Variants in OR51B5 observed in about 807,000 individuals in gnomAD.
OR51B5 encodes the protein olfactory receptor 51B5.
For missense variants in OR51B5, 456 were observed against 374.6 expected, an observed-to-expected ratio of 1.22 and a Z score of -1.79; for synonymous variants, 186 against 144.8, an observed-to-expected ratio of 1.28 and a Z score of -2.04.
At chr11:5,344,199 G>A (rs901055843), upstream of OR51B5, among the ~76,000 whole-genome samples, 3 of 152,180 alleles carry the variant, frequency 2.0e-5, no homozygotes, top group Non-Finnish European at 4.4e-5. Context: ...CTCACTACTT[G>A]TGACAATAGC....
intron 1 of OR51B5, among the ~76,000 whole-genome samples, chr11:5,461,267 G>A (rs1325556285): frequency 6.6e-6 from 1 of 152,174 alleles, no homozygotes; most frequent in Non-Finnish European, 1.5e-5. Context: ...AGGGGGTGGA[G>A]GCGAGGCGCG....
chr11:5,447,100 G>A (rs575565837), intron 1 of OR51B5, among the ~76,000 whole-genome samples: 2 of 152,258 alleles, frequency 1.3e-5, no homozygotes, highest in East Asian at 3.9e-4. Flanking sequence ...AAGCCCCTAG[G>A]AGATCATGTA....
intron 1 of OR51B5, among the ~76,000 whole-genome samples, chr11:5,485,269 G>A (rs913170547): frequency 4.6e-5 from 7 of 152,110 alleles, no homozygotes; most frequent in East Asian, 1.9e-4. Context: ...TTCCTCTCAC[G>A]TTTTCTAAGT....
intron 1 of OR51B5, among the ~76,000 whole-genome samples, chr11:5,443,409 C>T (rs1222713332): frequency 6.6e-6 from 1 of 152,082 alleles, no homozygotes; most frequent in Non-Finnish European, 1.5e-5. Context: ...GTAGTGTTTT[C>T]TCCTTATGGG....
intron 1 of OR51B5, among the ~76,000 whole-genome samples, chr11:5,416,206 G>A (rs1850241945): frequency 7.1e-6 from 1 of 141,572 alleles, no homozygotes; most frequent in Non-Finnish European, 1.5e-5. Flanking sequence ...TGCAGAAAAG[G>A]CCTTTGACAA....
chr11:5,349,997 T>A (rs1421279217), intron 1 of OR51B5, among the ~76,000 whole-genome samples: 1 of 152,144 alleles, frequency 6.6e-6, no homozygotes, highest in African/African-American at 2.4e-5. Context: ...TCATCTTATA[T>A]CTGTTCCCAA....
intron 1 of OR51B5, among the ~76,000 whole-genome samples, chr11:5,417,085 G>T (rs1589984822): frequency 6.6e-6 from 1 of 151,656 alleles, no homozygotes; most frequent in East Asian, 2.0e-4. Flanking sequence ...CAGAGATATA[G>T]ATCAATGGAA....
intron 1 of OR51B5, among the ~76,000 whole-genome samples, chr11:5,495,515 G>C (rs766479307): frequency 1.3e-5 from 2 of 152,146 alleles, no homozygotes. Context: ...TTTAACTTAG[G>C]TTATCAGCTT....
chr11:5,490,249 G>C (rs1851562430), intron 1 of OR51B5, among the ~76,000 whole-genome samples: 1 of 152,126 alleles, frequency 6.6e-6, no homozygotes, highest in African/African-American at 2.4e-5. Context: ...AATTAAGACA[G>C]TGACTAACAT....
exon 1 of OR51B5, chr11:5,343,133 G>T: frequency 6.2e-7 from 1 of 1,613,616 alleles, no homozygotes. Flanking sequence ...AAGTACAGAG[G>T]TATATCTAAG....
intron 1 of OR51B5, among the ~76,000 whole-genome samples, chr11:5,405,443 A>T (rs1850044153): frequency 6.6e-6 from 1 of 152,160 alleles, no homozygotes; most frequent in South Asian, 2.1e-4. Flanking sequence ...GAGCATACTC[A>T]ATGAGTCAGG....
intron 1 of OR51B5, among the ~76,000 whole-genome samples, chr11:5,477,933 G>T (rs1851340694): frequency 6.6e-6 from 1 of 151,890 alleles, no homozygotes; most frequent in Non-Finnish European, 1.5e-5. Flanking sequence ...GGAGGCTGGG[G>T]AGGGGCGCCC....
intron 1 of OR51B5, chr11:5,440,920 T>C: frequency 6.2e-7 from 1 of 1,613,874 alleles, no homozygotes. Flanking sequence ...AGCCCATAAA[T>C]GTTGTTAACA....
intron 1 of OR51B5, among the ~76,000 whole-genome samples, chr11:5,353,512 C>T (rs1004367819): frequency 6.6e-6 from 1 of 152,108 alleles, no homozygotes; most frequent in Non-Finnish European, 1.5e-5. Flanking sequence ...AGGCAATGCT[C>T]ATAACTAGAA....
chr11:5,388,154 A>G (rs1289078504), intron 1 of OR51B5, among the ~76,000 whole-genome samples: 1 of 152,168 alleles, frequency 6.6e-6, no homozygotes, highest in Non-Finnish European at 1.5e-5. Context: ...TGGTAATGAT[A>G]CATATTTAAT....
At chr11:5,407,996 A>G (rs1371549078) in intron 1 of OR51B5, among the ~76,000 whole-genome samples, 3 of 152,114 alleles carry the variant, frequency 2.0e-5, no homozygotes, top group Admixed American at 1.3e-4. Flanking sequence ...CTATATTTCA[A>G]TAATTCTGGC....
At chr11:5,443,519 T>C (rs1850722539) in intron 1 of OR51B5, among the ~76,000 whole-genome samples, 1 of 151,992 alleles carries the variant, frequency 6.6e-6, no homozygotes, top group Non-Finnish European at 1.5e-5. Flanking sequence ...CTGTTTTTTT[T>C]TTTTCTTTAC....
At chr11:5,343,736 T>C (rs975524178), upstream of OR51B5, 1 of 424,370 alleles carries the variant, frequency 2.4e-6, no homozygotes, top group Non-Finnish European at 4.1e-6. Context: ...ATCTATCTCC[T>C]ACCTACGTAA....
chr11:5,466,392 T>A (rs1282831302), intron 1 of OR51B5, among the ~76,000 whole-genome samples: 1 of 152,222 alleles, frequency 6.6e-6, no homozygotes, highest in Non-Finnish European at 1.5e-5. Flanking sequence ...TGCCTTATTA[T>A]GAGAATTCCC....
Sources: gnomAD v4.1 joint callset for allele counts (sites outside exome capture counted in the v4.1 genomes callset) on GRCh38, gnomAD v4.1.1 for gene constraint, MANE v1.5 for transcripts, NCBI Gene and HGNC (gene_info 2026-07-23, HGNC 2026-07-21) for gene names.